Variants in KCNH7 observed in about 807,000 individuals in gnomAD.
KCNH7 encodes potassium voltage-gated channel subfamily H member 7.
KCNH7 carries 49 observed loss-of-function variants against 120.8 expected under a neutral mutation model. That is an observed-to-expected ratio of 0.41 (90% CI 0.32 to 0.51). The LOEUF is 0.51. Ranked by LOEUF, KCNH7 falls within the 20% of genes least tolerant of loss-of-function variation. The probability of loss-of-function intolerance (pLI) is 0.38; values close to 1 mark genes in which losing one functional copy is unlikely to be tolerated. For missense variants in KCNH7, 1,097 were observed against 1,446.6 expected (o/e 0.76, Z 3.92); for synonymous variants, 547 against 516.1 (o/e 1.06, Z -0.81).
chr2:162,535,609 A>G (rs1437779985), intron 3 of KCNH7, among the ~76,000 whole-genome samples: 8 of 151,794 alleles, frequency 5.3e-5, no homozygotes, highest in Non-Finnish European at 7.4e-5. Flanking sequence ...AGAGACATCA[A>G]TTATCTTCAA....
chr2:162,400,485 T>C, intron 9 of KCNH7, 44 bp from the exon 10 acceptor site: 1 of 1,595,266 alleles, frequency 6.3e-7, no homozygotes, highest in Non-Finnish European at 8.6e-7. Flanking sequence ...GTGTTCTGGG[T>C]ATCTCTGCCT....
rs547714575 is a variant in KCNH7, at chr2:162,469,593, G to A, written c.1129-23150C>T. Among the ~76,000 whole-genome samples, 40 of 152,218 alleles carry A rather than the reference G, an allele frequency of 2.6e-4. 1 individual carries two copies. Among genetic ancestry groups the A allele is most frequent in the Admixed American group, 2.2e-3 (33 of 15,296 alleles). ...AGAGTACGTTCCACTATCAAAGCCC[G>A]GTGGGGTGAGAGCTGTGGTCCTCGA... is the stretch of plus-strand genomic sequence containing the variant. On this transcript the variant is annotated intron_variant, in intron 6 of 15. Coordinates refer to ENST00000332142, the MANE Select transcript of KCNH7 (RefSeq NM_033272.4).
chr2:162,455,885 C>A (rs949873226), intron 6 of KCNH7, among the ~76,000 whole-genome samples: 2 of 151,974 alleles, frequency 1.3e-5, no homozygotes, highest in African/African-American at 2.4e-5. Context: ...TTCAAAAAGC[C>A]GGCTCCTGAA....
intron 2 of KCNH7, among the ~76,000 whole-genome samples, chr2:162,655,074 T>C (rs1194489594): frequency 6.6e-6 from 1 of 152,138 alleles, no homozygotes; most frequent in African/African-American, 2.4e-5. Flanking sequence ...ATTAGGTGAC[T>C]ACAGTTAATA....
chr2:162,800,178 C>T (rs1056729540), intron 2 of KCNH7, among the ~76,000 whole-genome samples: 23 of 151,382 alleles, frequency 1.5e-4, no homozygotes, highest in African/African-American at 5.1e-4. Flanking sequence ...AACTTAAACC[C>T]GGATAGAAAA....
intron 2 of KCNH7, among the ~76,000 whole-genome samples, chr2:162,785,447 A>G (rs1295747734): frequency 1.3e-5 from 2 of 152,206 alleles, no homozygotes; most frequent in Non-Finnish European, 2.9e-5. Flanking sequence ...GTGTTACTAT[A>G]TCATGACCAC....
At chr2:162,800,152 G>A (rs933831398) in intron 2 of KCNH7, among the ~76,000 whole-genome samples, 14 of 151,644 alleles carry the variant, frequency 9.2e-5, no homozygotes, top group Admixed American at 3.3e-4. Context: ...AAAGGAAGAA[G>A]GACTTATGGT....
At chr2:162,514,663 A>T (rs1335445705) in intron 4 of KCNH7, among the ~76,000 whole-genome samples, 1 of 151,688 alleles carries the variant, frequency 6.6e-6, no homozygotes, top group African/African-American at 2.4e-5. Flanking sequence ...TTTATATTTT[A>T]TGTCTATTTT....
At chr2:162,662,613 A>T (rs973206749) in intron 2 of KCNH7, among the ~76,000 whole-genome samples, 2 of 152,212 alleles carry the variant, frequency 1.3e-5, no homozygotes, top group African/African-American at 4.8e-5. Flanking sequence ...CTTCTGTCTG[A>T]CAGGAACATA....
rs191344500 is a variant in KCNH7, at chr2:162,451,145, T to A, written c.1129-4702A>T. On this transcript the variant is annotated intron_variant, in intron 6 of 15. Coordinates refer to ENST00000332142, the MANE Select transcript of KCNH7 (RefSeq NM_033272.4). ...TAATCTCTAGACCTAGTTCTTTTTTTAAAAAAATTGTGTAATGTAGATAGT... is the reference window on the plus strand; with the variant it reads ...TAATCTCTAGACCTAGTTCTTTTTTAAAAAAAATTGTGTAATGTAGATAGT... Among the ~76,000 whole-genome samples the A allele has an allele frequency of 1.7e-3, 252 of 152,086 alleles. 2 individuals carry two copies. The highest frequency in any genetic ancestry group is 2.5e-3 in the Non-Finnish European group (169 of 67,930).
At chr2:162,657,991 T>C (rs1447590591) in intron 2 of KCNH7, among the ~76,000 whole-genome samples, 1 of 151,754 alleles carries the variant, frequency 6.6e-6, no homozygotes, top group Non-Finnish European at 1.5e-5. Context: ...GGTGTGGGGA[T>C]TTTTGTAGGT....
At chr2:162,401,071 A>G (rs565036103) in intron 9 of KCNH7, among the ~76,000 whole-genome samples, 1 of 151,920 alleles carries the variant, frequency 6.6e-6, no homozygotes, top group Non-Finnish European at 1.5e-5. Flanking sequence ...TTAAAAGTGT[A>G]GTCCGATATT....
chr2:162,587,673 C>T (rs953365811), intron 2 of KCNH7, among the ~76,000 whole-genome samples: 5 of 151,626 alleles, frequency 3.3e-5, no homozygotes, highest in Non-Finnish European at 7.4e-5. Flanking sequence ...CCATTTTTTT[C>T]GAGAAAAGAC....
At chr2:162,620,113 AG>A (rs1683293118) in intron 2 of KCNH7, among the ~76,000 whole-genome samples, 2 of 151,238 alleles carry the variant, frequency 1.3e-5, no homozygotes, top group Admixed American at 6.6e-5. Flanking sequence ...CTATAAAAAA[AG>A]GATAATAAAA....
At chr2:162,463,950 T>G (rs948618628) in intron 6 of KCNH7, among the ~76,000 whole-genome samples, 1 of 151,996 alleles carries the variant, frequency 6.6e-6, no homozygotes, top group Non-Finnish European at 1.5e-5. Context: ...TGAAAGCCAT[T>G]ATGAATCTTA....
Position 162,411,806 on chromosome 2 carries a change from T to A in KCNH7, c.2155-11365A>T, listed in dbSNP as rs566690503. Among the ~76,000 whole-genome samples the A allele has an allele frequency of 6.8e-4, 104 of 151,832 alleles. 1 individual carries two copies. The South Asian group carries it at 0.013, about 18-fold the overall frequency. On this transcript the variant is annotated intron_variant, in intron 9 of 15. Coordinates refer to ENST00000332142, the MANE Select transcript of KCNH7 (RefSeq NM_033272.4). ...ATTGAAATCAACTTTTTTTTCAAAA[T>A]TATTTTGGAAATTCTAGTGAATCAA...
intron 2 of KCNH7, among the ~76,000 whole-genome samples, chr2:162,680,684 T>G (rs1183654339): frequency 6.6e-6 from 1 of 151,776 alleles, no homozygotes; most frequent in African/African-American, 2.4e-5. Context: ...AGTCTGATTC[T>G]GGAGTCAGGG....
At chr2:162,397,580 C>T (rs1686951780) in intron 10 of KCNH7, among the ~76,000 whole-genome samples, 1 of 151,796 alleles carries the variant, frequency 6.6e-6, no homozygotes. Context: ...TCTGTAAAAT[C>T]TAGGGTTATT....
intron 4 of KCNH7, among the ~76,000 whole-genome samples, chr2:162,514,322 G>A (rs1217285715): frequency 1.3e-5 from 2 of 151,794 alleles, no homozygotes; most frequent in African/African-American, 4.8e-5. Flanking sequence ...CAGAATGAAT[G>A]TGTCTGTCAG....
Sources: allele counts gnomAD v4.1 joint callset (sites outside exome capture counted in the v4.1 genomes callset), GRCh38; gene constraint gnomAD v4.1.1; transcripts MANE v1.5; gene names NCBI Gene and HGNC (gene_info 2026-07-23, HGNC 2026-07-21).